Variants in MFSD1 observed in about 807,000 individuals in gnomAD.
MFSD1 encodes the protein lysosomal dipeptide transporter MFSD1.
In MFSD1, 59 loss-of-function variants were observed where a neutral mutation model predicts 67.1. The observed-to-expected ratio is 0.88, with a 90% CI of 0.71 to 1.09. MFSD1 has a LOEUF of 1.09. Among genes scored for constraint, MFSD1 ranks in the 50% least tolerant of loss-of-function variants. The pLI is 0.00. For synonymous variants in MFSD1, 213 were observed against 200.3 expected (o/e 1.06, Z -0.54); for missense variants, 552 against 566.1 (o/e 0.97, Z 0.25).
At position 158,802,075 on chromosome 3, in the gene MFSD1, A is replaced by G. The variant is rs762119825; in HGVS notation, c.-78A>G. 1 of 1,566,742 alleles carries G rather than the reference A, an allele frequency of 6.4e-7. No homozygotes were observed. The highest frequency in any genetic ancestry group is 2.3e-5 in the East Asian group (1 of 43,300). On this transcript the variant is annotated 5_prime_UTR_variant, in exon 1 of 16. Transcript: ENST00000415822. Reference sequence around the variant, plus strand: ...CCGGAGTCATGTGACCGCCGTCTTGACAGTGTTCCACGGGCGCTGCTTCCT... The same window carrying G: ...CCGGAGTCATGTGACCGCCGTCTTGGCAGTGTTCCACGGGCGCTGCTTCCT...
At chr3:158,817,087 T>A (rs978551103) in intron 7 of MFSD1, among the ~76,000 whole-genome samples, 2 of 152,202 alleles carry the variant, frequency 1.3e-5, no homozygotes, top group Non-Finnish European at 2.9e-5. Flanking sequence ...GGTAGCATGA[T>A]GGGACGTGTC....
intron 7 of MFSD1, among the ~76,000 whole-genome samples, chr3:158,815,233 A>G (rs1331026368): frequency 1.3e-5 from 2 of 152,188 alleles, no homozygotes; most frequent in East Asian, 1.9e-4. Flanking sequence ...GTGATATGAT[A>G]TGGTTGAAAA....
chr3:158,826,047 G>A lies in MFSD1; in HGVS notation c.1321G>A (p.Val441Met). ...TTTATCTGTGGTCTTACTCTATTTG[G>A]TGAATCGTGCCCAGGGTAAGTAGAA... ...SLLSVVLLYL[V>M]NRAQGGNLNY... Residue 441 changes from valine (V) to methionine (M), a missense_variant, in exon 14 of 16, where the codon GTG (valine) becomes ATG (methionine). By Grantham distance (21) the Val-to-Met change is conservative (BLOSUM62 1). Coordinates refer to ENST00000415822, the MANE Select transcript of MFSD1 (RefSeq NM_022736.4). 2 of 1,613,458 alleles carry A rather than the reference G, an allele frequency of 1.2e-6. No individual in the cohort carries two copies. Among genetic ancestry groups the A allele is most frequent in the Non-Finnish European group, 1.7e-6 (2 of 1,179,592 alleles).
chr3:158,824,405 T>G, intron 13 of MFSD1, 169 bp downstream of exon 13: 1 of 606,106 alleles, frequency 1.6e-6, no homozygotes, highest in Non-Finnish European at 2.9e-6. Flanking sequence ...TTTAGGAGAT[T>G]CCTATCCTTA....
rs749042397 is a variant in MFSD1, at chr3:158,809,224, G to C, written c.486G>C (p.Val162=). 4 of 1,608,524 alleles carry C rather than the reference G, an allele frequency of 2.5e-6. No individual in the cohort carries two copies. The highest frequency in any genetic ancestry group is 2.7e-5 in the African/African-American group (2 of 74,212). The stretch of plus-strand genomic sequence containing the variant: ...CAGTTGCCCAGAATACATATGCTGT[G>C]AGCTGGTTTAAAGGCAAAGAATTAA... ...SLAVAQNTYA[V]SWFKGKELNL... is the part of the protein sequence containing the mutation. The change falls in exon 6 of 16, where the codon GTG becomes GTC. Residue 162 remains valine (V), a synonymous_variant. Transcript: ENST00000415822.
Position 158,824,130 on chromosome 3 carries a change from G to A in MFSD1, c.1182G>A (p.Gln394=). Residue 394 remains glutamine, a synonymous_variant, in exon 13 of 16, where the codon CAG becomes CAA. Coordinates refer to ENST00000415822, the MANE Select transcript of MFSD1 (RefSeq NM_022736.4). ...HQLGTAYGFM[Q]SIQNLGLAII... ...TATATTTCTTCCATTGTAGCATGCA[G>A]TCCATTCAGAATCTTGGGTTGGCCA... The A allele has an allele frequency of 1.2e-6, 2 of 1,610,048 alleles. No individual in the cohort carries two copies. Among genetic ancestry groups the A allele is most frequent in the Non-Finnish European group, 1.7e-6 (2 of 1,177,486 alleles).
At chr3:158,827,976 G>GAGAGAGAGAGAGAGAGAGAGAGAGAGAC (rs1553759912) in intron 15 of MFSD1, among the ~76,000 whole-genome samples, 14 of 78,868 alleles carry the variant, frequency 1.8e-4, no homozygotes, top group Non-Finnish European at 3.0e-4. Flanking sequence ...GAGAGAGAGA[G>GAGAGAGAGAGAGAGAGAGAGAGAGAGAC]AGACAGAGAT....
chr3:158,821,401 A>T (rs969475176), intron 9 of MFSD1, among the ~76,000 whole-genome samples, 196 bp from the exon 10 acceptor site: 2 of 152,220 alleles, frequency 1.3e-5, no homozygotes, highest in South Asian at 2.1e-4. Flanking sequence ...AATATGCATC[A>T]TATGTCATTT....
At position 158,809,286 on chromosome 3, in the gene MFSD1, T is replaced by G; in HGVS notation, c.548T>G (p.Ile183Ser). The change falls in exon 6 of 16, where the codon ATT becomes AGT. Residue 183 changes from isoleucine to serine, a missense_variant and splice_region_variant. By Grantham distance (142) the Ile-to-Ser change is moderately radical (BLOSUM62 -2). Transcript: ENST00000415822. ...GGACTTCAACTTAGCATGGCTAGAATTGTAAGTATAATGAAAAGCCTGATG... is the reference window on the plus strand; with the variant it reads ...GGACTTCAACTTAGCATGGCTAGAAGTGTAAGTATAATGAAAAGCCTGATG... ...VFGLQLSMAR[I>S]GSTVNMNLMG... The G allele has an allele frequency of 6.3e-7, 1 of 1,586,874 alleles. No homozygotes were observed. Among genetic ancestry groups the G allele is most frequent in the Non-Finnish European group, 8.6e-7 (1 of 1,168,518 alleles).
At chr3:158,821,309 G>A (rs746304276) in intron 9 of MFSD1, among the ~76,000 whole-genome samples, 24 of 152,194 alleles carry the variant, frequency 1.6e-4, no homozygotes, top group Admixed American at 2.0e-4. Context: ...AGGAAAAGAA[G>A]CAGCCTTAAG....
intron 7 of MFSD1, among the ~76,000 whole-genome samples, chr3:158,818,384 AT>A (rs1197139849): frequency 6.6e-6 from 1 of 151,918 alleles, no homozygotes. Flanking sequence ...TCTTCTAGCT[AT>A]TTTTTAATGT....
intron 2 of MFSD1, 127 bp from the exon 3 acceptor site, chr3:158,805,235 A>T (rs887049313): frequency 5.3e-6 from 4 of 751,638 alleles, no homozygotes; most frequent in Non-Finnish European, 7.0e-6. Flanking sequence ...ATAAATGGTT[A>T]AAAAAAACTT....
chr3:158,827,976 G>GAGAGAGAGATAGAGAGAC (rs1553759912), intron 15 of MFSD1, among the ~76,000 whole-genome samples: 1 of 78,874 alleles, frequency 1.3e-5, no homozygotes, highest in Non-Finnish European at 2.5e-5. Context: ...GAGAGAGAGA[G>GAGAGAGAGATAGAGAGAC]AGACAGAGAT....
intron 7 of MFSD1, among the ~76,000 whole-genome samples, chr3:158,817,814 A>G (rs1730453725): frequency 6.6e-6 from 1 of 152,188 alleles, no homozygotes; most frequent in South Asian, 2.1e-4. Flanking sequence ...CCAAAAGAAC[A>G]AAGCTGGAGG....
intron 5 of MFSD1, among the ~76,000 whole-genome samples, chr3:158,807,856 A>G (rs1467896762): frequency 6.6e-6 from 1 of 152,208 alleles, no homozygotes; most frequent in African/African-American, 2.4e-5. Context: ...AACCCTGTCC[A>G]AGAGCTTTGC....
intron 4 of MFSD1, 50 bp downstream of exon 4, chr3:158,807,132 C>T: frequency 6.6e-7 from 1 of 1,510,424 alleles, no homozygotes; most frequent in Non-Finnish European, 9.1e-7. Flanking sequence ...CTTCTAAATT[C>T]TTATCTAATT....
chr3:158,827,976 G>GAGAGACAGAGAGAC (rs1553759912), intron 15 of MFSD1, among the ~76,000 whole-genome samples: 12 of 78,912 alleles, frequency 1.5e-4, no homozygotes, highest in African/African-American at 5.9e-4. Context: ...GAGAGAGAGA[G>GAGAGACAGAGAGAC]AGACAGAGAT....
chr3:158,807,094 C>G lies in MFSD1; in HGVS notation c.372+12C>G. On this transcript the variant is annotated intron_variant, in intron 4 of 15. Transcript: ENST00000415822. ...TTTGCATTGGACAGGTAAGGAAGGC[C>G]AAAACATTCATTGATTATTGACAGT... The G allele has an allele frequency of 6.2e-7, 1 of 1,605,390 alleles. No individual in the cohort carries two copies. Among genetic ancestry groups the G allele is most frequent in the Non-Finnish European group, 8.5e-7 (1 of 1,173,636 alleles).
At position 158,827,925 on chromosome 3, in the gene MFSD1, AGAGAGAGAGAGAGAGAGGGG is replaced by A. The variant is rs1326811143; in HGVS notation, c.1394+606_1394+625del. Among the ~76,000 whole-genome samples, 60 of 79,226 alleles carry A rather than the reference AGAGAGAGAGAGAGAGAGGGG, an allele frequency of 7.6e-4. 1 individual carries two copies. Among genetic ancestry groups the A allele is most frequent in the East Asian group, 3.3e-3 (7 of 2,150 alleles). 52.0% of individuals were successfully genotyped at this position (79,226 alleles called of 152,430 possible). A position where few individuals can be genotyped will look rare whatever the true frequency, so the allele number is the denominator to read the frequency against. ...GAGAGAGAGAGAGGGGGAGAGAGAG[AGAGAGAGAGAGAGAGAGGGG>A]GAGAGAGAGAGAGAGAGAGAGAGAG... On this transcript the variant is annotated intron_variant, in intron 15 of 15. Transcript: ENST00000415822.
Sources: gnomAD v4.1 joint callset for allele counts (sites outside exome capture counted in the v4.1 genomes callset) on GRCh38, gnomAD v4.1.1 for gene constraint, MANE v1.5 for transcripts, NCBI Gene and HGNC (gene_info 2026-07-23, HGNC 2026-07-21) for gene names.